The following NRXN3 variants were observed in gnomAD, a reference collection of about 807,000 sequenced individuals.
NRXN3 encodes neurexin III.
NRXN3 carries 32 observed loss-of-function variants against 137.6 expected under a neutral mutation model. That is an observed-to-expected ratio of 0.23 (90% CI 0.18 to 0.31). The LOEUF (loss-of-function observed/expected upper bound fraction) is 0.31. NRXN3 is among the 10% of genes least tolerant of loss of function. The probability of loss-of-function intolerance (pLI) is 1.00; values close to 1 mark genes in which losing one functional copy is unlikely to be tolerated. For synonymous variants in NRXN3, 798 were observed against 784.5 expected (o/e 1.02, Z -0.29); for missense variants, 1,574 against 2,062.5 (o/e 0.76, Z 4.59).
chr14:78,942,074 G>C (rs2099354178), intron 10 of NRXN3, among the ~76,000 whole-genome samples: 1 of 152,230 alleles, frequency 6.6e-6, no homozygotes, highest in African/African-American at 2.4e-5. Flanking sequence ...TTAATGGAAA[G>C]TGTGATGGGG....
Position 78,272,272 on chromosome 14 carries a change from A to G in NRXN3, c.710-6373A>G, listed in dbSNP as rs556523675. Among the ~76,000 whole-genome samples the G allele has an allele frequency of 4.6e-5, 7 of 151,736 alleles. No homozygotes were observed. The South Asian group carries it at 1.3e-3, about 27-fold the overall frequency. On this transcript the variant is annotated intron_variant, in intron 2 of 20. Transcript: ENST00000335750. ...ACGCCCCAGCCTGTAGAAGCCCACA[A>G]CTCCTGCAGACAGCTTCTTCTTGGC...
At chr14:78,229,346 C>T (rs969496404) in intron 1 of NRXN3, among the ~76,000 whole-genome samples, 5 of 151,880 alleles carry the variant, frequency 3.3e-5, no homozygotes, top group Admixed American at 2.0e-4. Flanking sequence ...GAAATAAACC[C>T]GGTCAAAGGG....
chr14:78,397,289 T>G (rs1000859577), intron 4 of NRXN3, among the ~76,000 whole-genome samples: 1 of 152,194 alleles, frequency 6.6e-6, no homozygotes, highest in Non-Finnish European at 1.5e-5. Context: ...CTCTTGGACT[T>G]CATTACAGAA....
chr14:78,786,638 C>T (rs1456323490), intron 8 of NRXN3, among the ~76,000 whole-genome samples: 1 of 151,996 alleles, frequency 6.6e-6, no homozygotes, highest in Non-Finnish European at 1.5e-5. Context: ...GCTAACTTTC[C>T]TTAAGAAGTG....
chr14:79,235,401 C>T (rs920829033), intron 15 of NRXN3, among the ~76,000 whole-genome samples: 6 of 152,144 alleles, frequency 3.9e-5, no homozygotes, highest in African/African-American at 1.4e-4. Context: ...TACTTCCCTC[C>T]ACCAGAGAGT....
intron 8 of NRXN3, among the ~76,000 whole-genome samples, chr14:78,762,259 C>T (rs1445723042): frequency 6.6e-6 from 1 of 152,144 alleles, no homozygotes; most frequent in Non-Finnish European, 1.5e-5. Flanking sequence ...ACCTTTCTGA[C>T]CCTGCCACCT....
chr14:79,384,493 A>C (rs1433821581), intron 15 of NRXN3, among the ~76,000 whole-genome samples: 1 of 152,164 alleles, frequency 6.6e-6, no homozygotes, highest in Non-Finnish European at 1.5e-5. Flanking sequence ...AAAACAGTTA[A>C]ATTTGGTTGA....
At chr14:79,229,772 C>T (rs1313347534) in intron 15 of NRXN3, among the ~76,000 whole-genome samples, 2 of 152,062 alleles carry the variant, frequency 1.3e-5, no homozygotes, top group Non-Finnish European at 2.9e-5. Context: ...CTGTCTTTTT[C>T]CTCCTTTGCG....
intron 20 of NRXN3, among the ~76,000 whole-genome samples, chr14:79,841,763 G>C (rs2099356331): frequency 1.3e-5 from 2 of 152,204 alleles, no homozygotes; most frequent in South Asian, 4.1e-4. Context: ...GAGTTTTCCA[G>C]TGCATATTCC....
chr14:79,625,910 A>G (rs1246340750), intron 16 of NRXN3, among the ~76,000 whole-genome samples: 1 of 152,210 alleles, frequency 6.6e-6, no homozygotes, highest in Non-Finnish European at 1.5e-5. Flanking sequence ...TTCTTTATCT[A>G]GAAAACAGGA....
chr14:78,305,655 T>G (rs544432043), intron 4 of NRXN3, among the ~76,000 whole-genome samples: 1 of 152,322 alleles, frequency 6.6e-6, no homozygotes, highest in Non-Finnish European at 1.5e-5. Context: ...GTTACTGCCT[T>G]GATAGCCAAC....
At chr14:79,280,183 C>A in intron 15 of NRXN3, 1 of 1,520,790 alleles carries the variant, frequency 6.6e-7, no homozygotes, top group Non-Finnish European at 8.8e-7. Context: ...TCCCCGAATT[C>A]TGGCAACTCT....
chr14:78,532,626 G>A (rs538669259), intron 4 of NRXN3, among the ~76,000 whole-genome samples: 6 of 151,804 alleles, frequency 4.0e-5, no homozygotes, highest in Admixed American at 6.6e-5. Flanking sequence ...TTCTCTACTT[G>A]TCTTCATTCT....
chr14:79,796,305 T>C (rs1211972725), intron 19 of NRXN3, among the ~76,000 whole-genome samples: 1 of 152,216 alleles, frequency 6.6e-6, no homozygotes, highest in Non-Finnish European at 1.5e-5. Context: ...GATTTGCTTA[T>C]CAGTGGAACA....
chr14:79,104,876 T>C (rs988143563), intron 15 of NRXN3, among the ~76,000 whole-genome samples: 6 of 152,062 alleles, frequency 3.9e-5, no homozygotes, highest in Non-Finnish European at 8.8e-5. Context: ...TATCCAACAT[T>C]TCAAAGAAGC....
chr14:78,275,321 C>T (rs1479820022), intron 2 of NRXN3, among the ~76,000 whole-genome samples: 2 of 152,138 alleles, frequency 1.3e-5, no homozygotes, highest in Non-Finnish European at 2.9e-5. Context: ...GATAGATGCT[C>T]GGCCAATAGG....
chr14:78,479,970 C>G (rs1438896118), intron 4 of NRXN3, among the ~76,000 whole-genome samples: 1 of 151,982 alleles, frequency 6.6e-6, no homozygotes, highest in Admixed American at 6.6e-5. Context: ...CATGGTGAAT[C>G]TCTACTAAAA....
At chr14:79,014,626 G>A (rs974847079) in intron 15 of NRXN3, among the ~76,000 whole-genome samples, 3 of 152,158 alleles carry the variant, frequency 2.0e-5, no homozygotes, top group Non-Finnish European at 4.4e-5. Context: ...ATCCAATAAT[G>A]GGATTGCTGG....
chr14:79,289,372 A>G (rs1403973006), intron 15 of NRXN3, among the ~76,000 whole-genome samples: 1 of 152,096 alleles, frequency 6.6e-6, no homozygotes, highest in Non-Finnish European at 1.5e-5. Context: ...TGTAATCCCA[A>G]CACTTGGGAG....
Sources: gnomAD v4.1 joint callset for allele counts (sites outside exome capture counted in the v4.1 genomes callset) on GRCh38, gnomAD v4.1.1 for gene constraint, MANE v1.5 for transcripts, NCBI Gene and HGNC (gene_info 2026-07-23, HGNC 2026-07-21) for gene names.